Variants in ELMO1 observed in about 807,000 individuals in gnomAD.
ELMO1 encodes the protein engulfment and cell motility protein 1.
In ELMO1, 26 loss-of-function variants were observed where a neutral mutation model predicts 98.9. The ratio of observed to expected loss-of-function variants is 0.26; its 90% confidence interval spans 0.19 to 0.36. The LOEUF is 0.36. ELMO1 is among the 10% of genes least tolerant of loss of function. The pLI is 1.00. For missense variants in ELMO1, 627 were observed against 935.2 expected, an observed-to-expected ratio of 0.67 and a Z score of 4.30; for synonymous variants, 346 against 346.0, an observed-to-expected ratio of 1.00 and a Z score of 0.00.
intron 1 of ELMO1, among the ~76,000 whole-genome samples, chr7:37,448,153 G>A (rs1805724282): frequency 6.6e-6 from 1 of 150,572 alleles, no homozygotes; most frequent in South Asian, 2.1e-4. Flanking sequence ...CGCGCTCGCC[G>A]GGGGATTCCC....
At chr7:37,162,610 C>G (rs771093552) in intron 13 of ELMO1, among the ~76,000 whole-genome samples, 1 of 152,120 alleles carries the variant, frequency 6.6e-6, no homozygotes, top group Non-Finnish European at 1.5e-5. Context: ...ACGTTTGAAT[C>G]TTGACAAAGT....
intron 16 of ELMO1, among the ~76,000 whole-genome samples, chr7:36,922,063 A>G (rs1238274605): frequency 1.3e-5 from 2 of 152,230 alleles, no homozygotes; most frequent in Admixed American, 6.5e-5. Context: ...TGGGGGAAAC[A>G]AAGTATGGTA....
intron 13 of ELMO1, among the ~76,000 whole-genome samples, chr7:37,169,235 C>T (rs1349314039): frequency 2.0e-5 from 3 of 152,186 alleles, no homozygotes; most frequent in Non-Finnish European, 4.4e-5. Flanking sequence ...TTTCCAGGTG[C>T]CGTCTGTCAC....
rs989249995 is a variant in ELMO1 at position 37,428,027 on chromosome 7, T to C, written c.-74+20648A>G. 1.2e-4 allele frequency among the ~76,000 whole-genome samples: 7 copies of C among 56,444 alleles called. No homozygotes were observed. In the Admixed American group the frequency reaches 1.8e-3, roughly 14 times the overall value. The allele number at this position is 56,444 out of a possible 152,430, so 37.0% of individuals were successfully genotyped here. A position where few individuals can be genotyped will look rare whatever the true frequency, so the allele number is the denominator to read the frequency against. On this transcript the variant is annotated intron_variant, in intron 1 of 21. Transcript: ENST00000310758. Reference sequence around the variant, plus strand: ...TTTATCTACATGAAGGATGTATGCTTGGGGTGTGTGTGTGTGTGTGTGTGT... The same window carrying C: ...TTTATCTACATGAAGGATGTATGCTCGGGGTGTGTGTGTGTGTGTGTGTGT...
intron 7 of ELMO1, among the ~76,000 whole-genome samples, chr7:37,240,026 T>A (rs1431633054): frequency 6.7e-6 from 1 of 149,176 alleles, no homozygotes; most frequent in Non-Finnish European, 1.5e-5. Flanking sequence ...ATCCTTAATT[T>A]TCTTTCTTTT....
chr7:37,223,132 T>G (rs1431102133), intron 9 of ELMO1, among the ~76,000 whole-genome samples: 1 of 152,234 alleles, frequency 6.6e-6, no homozygotes, highest in East Asian at 1.9e-4. Flanking sequence ...ATTGGATGGC[T>G]CTATTATATA....
chr7:37,163,359 A>G (rs1259894406), intron 13 of ELMO1, among the ~76,000 whole-genome samples: 1 of 151,052 alleles, frequency 6.6e-6, no homozygotes, highest in Non-Finnish European at 1.5e-5. Context: ...TTTTATTATT[A>G]TACTTTAAGT....
At chr7:37,029,619 A>C (rs959714548) in intron 15 of ELMO1, among the ~76,000 whole-genome samples, 1 of 152,146 alleles carries the variant, frequency 6.6e-6, no homozygotes, top group African/African-American at 2.4e-5. Flanking sequence ...CCTGGAAGGG[A>C]ATCTGGTTTT....
chr7:37,042,562 G>A (rs1795580324), intron 15 of ELMO1, among the ~76,000 whole-genome samples: 1 of 152,144 alleles, frequency 6.6e-6, no homozygotes, highest in African/African-American at 2.4e-5. Context: ...TTCCAGGTAG[G>A]GACTGGGAAT....
At chr7:37,288,648 TG>T (rs1797524266) in intron 4 of ELMO1, among the ~76,000 whole-genome samples, 2 of 152,292 alleles carry the variant, frequency 1.3e-5, no homozygotes, top group South Asian at 4.1e-4. Context: ...ACAACCACAT[TG>T]CGAAGATGGA....
chr7:37,400,780 A>G (rs1803493466), intron 1 of ELMO1, among the ~76,000 whole-genome samples: 2 of 152,332 alleles, frequency 1.3e-5, no homozygotes, highest in South Asian at 4.1e-4. Context: ...CATCAACTTG[A>G]CAAGGAAGAG....
intron 16 of ELMO1, among the ~76,000 whole-genome samples, chr7:36,923,017 G>A (rs1281337618): frequency 6.6e-6 from 1 of 152,156 alleles, no homozygotes; most frequent in Non-Finnish European, 1.5e-5. Context: ...CGTCTGGAAG[G>A]CTGTGTCTAG....
chr7:37,304,131 T>C lies in ELMO1; in HGVS notation c.192+10719A>G, dbSNP rs545586147. Among the ~76,000 whole-genome samples the C allele has an allele frequency of 1.4e-4, 21 of 152,284 alleles. No homozygotes were observed. The South Asian group carries it at 4.1e-3, about 30-fold the overall frequency. On this transcript the variant is annotated intron_variant, in intron 4 of 21. Coordinates refer to ENST00000310758, the MANE Select transcript of ELMO1 (RefSeq NM_014800.11). ...ATTTAAAATGATAGCTCCCATCCAG[T>C]TCCCAAACTCTAATTAGAAAAGTCT...
At chr7:36,857,867 A>G (rs1240733061) in intron 21 of ELMO1, among the ~76,000 whole-genome samples, 1 of 152,210 alleles carries the variant, frequency 6.6e-6, no homozygotes, top group Non-Finnish European at 1.5e-5. Flanking sequence ...GGCAGGAAAC[A>G]TAAAGATAAA....
At chr7:37,054,096 G>A (rs951160141) in intron 15 of ELMO1, among the ~76,000 whole-genome samples, 1 of 152,150 alleles carries the variant, frequency 6.6e-6, no homozygotes, top group Non-Finnish European at 1.5e-5. Context: ...TCAGAAATCT[G>A]TAAACATGTC....
At chr7:37,058,052 A>T (rs1418185416) in intron 15 of ELMO1, among the ~76,000 whole-genome samples, 1 of 152,246 alleles carries the variant, frequency 6.6e-6, no homozygotes, top group Non-Finnish European at 1.5e-5. Flanking sequence ...GCAACTTTAC[A>T]CAGGCACACA....
At chr7:37,056,800 C>G (rs1206409302) in intron 15 of ELMO1, among the ~76,000 whole-genome samples, 1 of 152,146 alleles carries the variant, frequency 6.6e-6, no homozygotes, top group Non-Finnish European at 1.5e-5. Context: ...GGGGAGCCCA[C>G]TGGGGGATTT....
At chr7:37,203,284 G>A (rs772028922) in intron 13 of ELMO1, among the ~76,000 whole-genome samples, 3 of 152,208 alleles carry the variant, frequency 2.0e-5, no homozygotes, top group Admixed American at 6.5e-5. Context: ...TCTCCCGTTA[G>A]TATTGGGACC....
chr7:37,043,686 C>T (rs1472792121), intron 15 of ELMO1, among the ~76,000 whole-genome samples: 1 of 152,196 alleles, frequency 6.6e-6, no homozygotes, highest in Non-Finnish European at 1.5e-5. Flanking sequence ...TGAGCCAGAA[C>T]ATGAACATTA....
Sources: allele counts gnomAD v4.1 joint callset (sites outside exome capture counted in the v4.1 genomes callset), GRCh38; gene constraint gnomAD v4.1.1; transcripts MANE v1.5; gene names NCBI Gene and HGNC (gene_info 2026-07-23, HGNC 2026-07-21).